The following SCHIP1 variants were observed in gnomAD, a reference collection of about 807,000 sequenced individuals.
SCHIP1 encodes the protein schwannomin-interacting protein 1.
Under a neutral mutation model 29.7 loss-of-function variants are expected in SCHIP1, and 8 were observed. That is an observed-to-expected ratio of 0.27 (90% confidence interval 0.16 to 0.49). The LOEUF (loss-of-function observed/expected upper bound fraction) is 0.49. SCHIP1 is among the 20% of genes least tolerant of loss of function. The pLI is 0.99. For missense variants in SCHIP1, 193 were observed against 294.6 expected, an observed-to-expected ratio of 0.66 and a Z score of 2.52; for synonymous variants, 76 against 94.9, an observed-to-expected ratio of 0.80 and a Z score of 1.16.
At chr3:159,839,290 A>T (rs77482604), upstream of SCHIP1, among the ~76,000 whole-genome samples, 1 of 70,348 alleles carries the variant, frequency 1.4e-5, no homozygotes, top group Non-Finnish European at 2.7e-5. Context: ...GCCTTACATT[A>T]AAAAAAAAAA....
the SCHIP1 span, among the ~76,000 whole-genome samples, chr3:159,710,525 A>G: frequency 6.6e-6 from 1 of 152,212 alleles, no homozygotes; most frequent in South Asian, 2.1e-4. Flanking sequence ...CAAAATTCCT[A>G]AAAGTGGATT....
At chr3:159,456,705 C>A in the SCHIP1 span, among the ~76,000 whole-genome samples, 1 of 152,160 alleles carries the variant, frequency 6.6e-6, no homozygotes, top group Non-Finnish European at 1.5e-5. Context: ...CAGGCTTCCA[C>A]TTCGTAAAAT....
At chr3:159,735,051 G>A in the SCHIP1 span, among the ~76,000 whole-genome samples, 1 of 151,808 alleles carries the variant, frequency 6.6e-6, no homozygotes, top group African/African-American at 2.4e-5. Context: ...GTGAAGAATT[G>A]TTGATTGTTT....
At chr3:159,809,103 A>G in the SCHIP1 span, among the ~76,000 whole-genome samples, 1 of 150,930 alleles carries the variant, frequency 6.6e-6, no homozygotes, top group African/African-American at 2.4e-5. Context: ...CATCATTTAC[A>G]TTAGGTATTC....
At chr3:159,521,624 C>T in the SCHIP1 span, among the ~76,000 whole-genome samples, 1 of 152,228 alleles carries the variant, frequency 6.6e-6, no homozygotes, top group Non-Finnish European at 1.5e-5. Context: ...AGTTTGAATA[C>T]TCCAAGTACT....
chr3:159,436,444 T>C, the SCHIP1 span, among the ~76,000 whole-genome samples: 1 of 152,104 alleles, frequency 6.6e-6, no homozygotes, highest in South Asian at 2.1e-4. Context: ...TAGCAGAGAA[T>C]TTGTCTCCAT....
At chr3:159,826,190 C>T in the SCHIP1 span, among the ~76,000 whole-genome samples, 2 of 152,154 alleles carry the variant, frequency 1.3e-5, no homozygotes, top group Non-Finnish European at 2.9e-5. Flanking sequence ...TAATGGAGGG[C>T]AAGCCCTTAA....
At chr3:159,694,596 GAA>G in the SCHIP1 span, among the ~76,000 whole-genome samples, 4 of 137,006 alleles carry the variant, frequency 2.9e-5, no homozygotes, top group African/African-American at 1.1e-4. Flanking sequence ...AAGAAAGAAA[GAA>G]AGAAAGAAAG....
At chr3:159,365,217 A>T in the SCHIP1 span, among the ~76,000 whole-genome samples, 120,580 of 152,082 alleles carry the variant, frequency 0.79, 48,322 homozygotes, top group African/African-American at 0.87. Flanking sequence ...ATAGTAATAT[A>T]GGCCTGCCTC....
At chr3:159,856,958 C>G (rs1486044545) in intron 1 of SCHIP1, among the ~76,000 whole-genome samples, 1 of 152,202 alleles carries the variant, frequency 6.6e-6, no homozygotes, top group Non-Finnish European at 1.5e-5. Flanking sequence ...CCTCCATTAA[C>G]CCTCACGTCT....
At chr3:159,739,069 A>G in the SCHIP1 span, among the ~76,000 whole-genome samples, 1 of 152,204 alleles carries the variant, frequency 6.6e-6, no homozygotes, top group Non-Finnish European at 1.5e-5. Context: ...GGCAATTTGC[A>G]TATACAATGC....
chr3:159,736,320 G>A, the SCHIP1 span, among the ~76,000 whole-genome samples: 1 of 152,188 alleles, frequency 6.6e-6, no homozygotes, highest in Non-Finnish European at 1.5e-5. Context: ...GTTTTGGATT[G>A]GCTGTGTTCC....
chr3:159,892,233 T>C, intron 6 of SCHIP1, 43 bp downstream of exon 7: 1 of 1,610,450 alleles, frequency 6.2e-7, no homozygotes, highest in Non-Finnish European at 8.5e-7. Flanking sequence ...AAGCCCAGGG[T>C]GGTCTGAAAT....
intron 1 of SCHIP1, among the ~76,000 whole-genome samples, chr3:159,865,253 C>A (rs151127589): frequency 6.6e-6 from 1 of 152,222 alleles, no homozygotes; most frequent in East Asian, 1.9e-4. Flanking sequence ...ATCCTTAGCC[C>A]AGGATTTTTG....
the SCHIP1 span, among the ~76,000 whole-genome samples, chr3:159,485,068 A>G: frequency 6.6e-6 from 1 of 152,186 alleles, no homozygotes; most frequent in Admixed American, 6.5e-5. Flanking sequence ...CTCTTGGCCA[A>G]ACAGAAGCAG....
chr3:159,882,897 T>TA (rs1560095522), intron 2 of SCHIP1, among the ~76,000 whole-genome samples: 1 of 152,160 alleles, frequency 6.6e-6, no homozygotes, highest in Non-Finnish European at 1.5e-5. Context: ...TCCTGGCCAG[T>TA]AGGCACTGTC....
chr3:159,545,999 A>G, the SCHIP1 span, among the ~76,000 whole-genome samples: 3 of 151,954 alleles, frequency 2.0e-5, no homozygotes, highest in Admixed American at 6.6e-5. Flanking sequence ...AGATGTATTT[A>G]TAGGTATTTA....
At position 159,879,636 on chromosome 3, in the gene SCHIP1, T is replaced by C. The variant is rs141986587; in HGVS notation, c.150-6571T>C. Among the ~76,000 whole-genome samples, 864 of 152,314 alleles carry C rather than the reference T, an allele frequency of 5.7e-3. 11 individuals carry two copies. The highest frequency in any genetic ancestry group is 0.02 in the African/African-American group (826 of 41,564). ...ATTCCTCGTATCAGAAGAGGCCTCG[T>C]TCTGGTCTTTCATTCATGCTAGAGA... On this transcript the variant is annotated intron_variant, in intron 2 of 6. Coordinates refer to ENST00000445224, the Ensembl canonical transcript of SCHIP1.
chr3:159,519,016 C>T, the SCHIP1 span, among the ~76,000 whole-genome samples: 2 of 152,016 alleles, frequency 1.3e-5, no homozygotes, highest in Admixed American at 6.6e-5. Flanking sequence ...TAGATGACTT[C>T]CATTTAAGAA....
Sources: gnomAD v4.1 joint callset for allele counts (sites outside exome capture counted in the v4.1 genomes callset) on GRCh38, gnomAD v4.1.1 for gene constraint, MANE v1.5 for transcripts, NCBI Gene and HGNC (gene_info 2026-07-23, HGNC 2026-07-21) for gene names.